LHPP: variants seen among roughly 807,000 people sequenced by gnomAD.
The protein encoded by LHPP is hLHPP.
Under a neutral mutation model 30.3 loss-of-function variants are expected in LHPP, and 24 were observed. The ratio of observed to expected loss-of-function variants is 0.79; its 90% CI spans 0.57 to 1.11. The LOEUF is 1.11. LHPP is among the 50% of genes most tolerant of loss of function. LHPP has a pLI of 0.00. For missense variants in LHPP, 356 were observed against 367.2 expected (o/e 0.97, Z 0.25); for synonymous variants, 150 against 157.1 (o/e 0.95, Z 0.34).
At position 124,478,839 on chromosome 10, in the gene LHPP, C is replaced by A. The variant is rs1487696340; in HGVS notation, c.126-5300C>A. 6.6e-6 allele frequency among the ~76,000 whole-genome samples: 1 copy of A among 152,138 alleles called. No individual in the cohort carries two copies. The highest frequency in any genetic ancestry group is 2.4e-5 in the African/African-American group (1 of 41,422). ...ATTCCAGCACTTTGGGAGGCCGAGGCAGGTGGATCACTGGAGATTGGGAGT... is the reference window on the plus strand; with the variant it reads ...ATTCCAGCACTTTGGGAGGCCGAGGAAGGTGGATCACTGGAGATTGGGAGT... On this transcript the variant is annotated intron_variant, in intron 1 of 6. Transcript: ENST00000368842. The surrounding 1 kb of genome is among the most constrained non-coding windows in gnomAD (Gnocchi z 4.7).
intron 1 of LHPP, among the ~76,000 whole-genome samples, chr10:124,477,682 A>C (rs1309188025): frequency 2.0e-5 from 3 of 152,164 alleles, no homozygotes; most frequent in Non-Finnish European, 2.9e-5. Context: ...GCAGGATTCT[A>C]GAGAGCATCT....
chr10:124,519,765 A>ATT (rs1259128741), intron 6 of LHPP, among the ~76,000 whole-genome samples: 1 of 151,984 alleles, frequency 6.6e-6, no homozygotes, highest in African/African-American at 2.4e-5. Context: ...TAATGCCATT[A>ATT]TTTCGTTCCT....
intron 6 of LHPP, chr10:124,546,277 C>T (rs1484101652): frequency 3.9e-5 from 6 of 152,560 alleles, no homozygotes; most frequent in Non-Finnish European, 5.9e-5. Flanking sequence ...GGGTGGCAGC[C>T]ACCACGTATT....
chr10:124,482,734 C>G (rs1360905141), intron 1 of LHPP, among the ~76,000 whole-genome samples: 2 of 152,118 alleles, frequency 1.3e-5, no homozygotes, highest in Non-Finnish European at 2.9e-5. Flanking sequence ...AGCACCACAC[C>G]CTGGCCCTCT....
At chr10:124,553,666 A>G (rs1323692741) in intron 6 of LHPP, among the ~76,000 whole-genome samples, 1 of 151,986 alleles carries the variant, frequency 6.6e-6, no homozygotes, top group East Asian at 1.9e-4. Flanking sequence ...TCACCGTGTT[A>G]GCCAGGATGG....
intron 6 of LHPP, among the ~76,000 whole-genome samples, chr10:124,587,038 T>C (rs1948813071): frequency 6.6e-6 from 1 of 150,702 alleles, no homozygotes; most frequent in Non-Finnish European, 1.5e-5. Flanking sequence ...TTTTTTTTTT[T>C]TTTTTTTTGA....
chr10:124,565,628 T>TGCTA (rs1187749054), intron 6 of LHPP, among the ~76,000 whole-genome samples: 1 of 152,218 alleles, frequency 6.6e-6, no homozygotes, highest in African/African-American at 2.4e-5. Flanking sequence ...AAGAAAGGAA[T>TGCTA]GCTACCCCAC....
chr10:124,517,195 G>T lies in LHPP; in HGVS notation c.640G>T (p.Asp214Tyr). 6.2e-7 allele frequency: 1 copy of T among 1,606,386 alleles called. No homozygotes were observed. The highest frequency in any genetic ancestry group is 1.1e-5 in the South Asian group (1 of 89,594). The stretch of plus-strand genomic sequence containing the variant: ...GCCGTGACAGGCCGTCATGATTGGG[G>T]ACGATATCGTGGGCGACGTCGGCGG... Reference protein sequence around the residue: ...VEAHQAVMIGDDIVGDVGGAQ... With the variant: ...VEAHQAVMIGYDIVGDVGGAQ... Residue 214 changes from aspartate to tyrosine, a missense_variant, in exon 6 of 7, where the codon GAC (aspartate) becomes TAC (tyrosine). Coordinates refer to ENST00000368842, the MANE Select transcript of LHPP (RefSeq NM_022126.4). The surrounding 1 kb of genome is among the most constrained non-coding windows in gnomAD (Gnocchi z 4.1).
At chr10:124,598,896 C>T (rs915817715) in intron 6 of LHPP, among the ~76,000 whole-genome samples, 4 of 151,780 alleles carry the variant, frequency 2.6e-5, no homozygotes, top group African/African-American at 9.7e-5. Context: ...TCCACCCATC[C>T]ACCCTGATGC....
intron 6 of LHPP, among the ~76,000 whole-genome samples, chr10:124,570,494 C>T (rs1280910940): frequency 1.3e-5 from 2 of 152,242 alleles, no homozygotes; most frequent in African/African-American, 4.8e-5. Flanking sequence ...CATACAATTC[C>T]TCTTAAAATA....
intron 1 of LHPP, among the ~76,000 whole-genome samples, chr10:124,468,243 G>C (rs1467748850): frequency 6.6e-6 from 1 of 152,198 alleles, no homozygotes; most frequent in Non-Finnish European, 1.5e-5. Flanking sequence ...CTGATTGATT[G>C]CCAGGAGGGT....
intron 6 of LHPP, among the ~76,000 whole-genome samples, chr10:124,560,181 T>C (rs769365143): frequency 6.6e-6 from 1 of 152,260 alleles, no homozygotes; most frequent in Non-Finnish European, 1.5e-5. Flanking sequence ...TCTTTCTTGG[T>C]TTTAAATTTT....
At chr10:124,574,949 C>T (rs1168948135) in intron 6 of LHPP, among the ~76,000 whole-genome samples, 1 of 152,170 alleles carries the variant, frequency 6.6e-6, no homozygotes, top group East Asian at 1.9e-4. Context: ...CTTCTCCAGC[C>T]TCTGCCTCCT....
Position 124,488,451 on chromosome 10 carries a change from A to T in LHPP, c.343A>T (p.Thr115Ser), listed in dbSNP as rs201714095. Residue 115 changes from threonine to serine, a missense_variant, in exon 3 of 7, where the codon ACA becomes TCA. Transcript: ENST00000368842. ...GVRSEFDQID[T>S]SNPNCVVIAD... ...CCGCTCAGAATTTGATCAGATCGAC[A>T]CATCCAACCCAAACTGTGTGGTAAT... is the stretch of plus-strand genomic sequence containing the variant. The T allele has an allele frequency of 8.1e-6, 13 of 1,614,096 alleles. No individual in the cohort carries two copies. The East Asian group carries it at 2.5e-4, about 30-fold the overall frequency.
intron 1 of LHPP, among the ~76,000 whole-genome samples, chr10:124,482,038 G>T (rs1290275939): frequency 1.3e-5 from 2 of 152,210 alleles, no homozygotes; most frequent in African/African-American, 2.4e-5. Context: ...GGAACAGAAA[G>T]CCCTTGACAT....
At chr10:124,530,013 GC>G (rs1177842938) in intron 6 of LHPP, among the ~76,000 whole-genome samples, 1 of 152,190 alleles carries the variant, frequency 6.6e-6, no homozygotes, top group Non-Finnish European at 1.5e-5. Context: ...TTGCCACAGG[GC>G]CCAGGCCACC....
At position 124,510,148 on chromosome 10, in the gene LHPP, C is replaced by T. The variant is rs188764079; in HGVS notation, c.625-7032C>T. Among the ~76,000 whole-genome samples, 50 of 152,286 alleles carry T rather than the reference C, an allele frequency of 3.3e-4. 1 individual carries two copies. The East Asian group carries it at 7.3e-3, about 22-fold the overall frequency. On this transcript the variant is annotated intron_variant, in intron 5 of 6. Transcript: ENST00000368842. This position sits in a 1 kb window ranked among gnomAD's most constrained non-coding sequence, Gnocchi z 4.0. ...CCACCATGTCGTGTCTGAAAGGAAG[C>T]GAAGCCCAGCCCTGGCAGGTGGAGT...
chr10:124,464,714 G>C (rs1361801272), intron 1 of LHPP, among the ~76,000 whole-genome samples: 1 of 152,192 alleles, frequency 6.6e-6, no homozygotes, highest in Non-Finnish European at 1.5e-5. Context: ...GGCCTCATCT[G>C]GGGAGCAGGA....
At chr10:124,564,825 A>G (rs1948463649) in intron 6 of LHPP, among the ~76,000 whole-genome samples, 1 of 152,258 alleles carries the variant, frequency 6.6e-6, no homozygotes, top group Admixed American at 6.5e-5. Flanking sequence ...TGGAAAAGTT[A>G]TACCATATAT....
Sources: gnomAD v4.1 joint callset for allele counts (sites outside exome capture counted in the v4.1 genomes callset) on GRCh38, gnomAD v4.1.1 for gene constraint, Gnocchi (gnomAD v3.1) non-coding constraint, MANE v1.5 for transcripts, NCBI Gene and HGNC (gene_info 2026-07-23, HGNC 2026-07-21) for gene names.